NOL4: variants seen among roughly 807,000 people sequenced by gnomAD.
NOL4 encodes the protein cancer/testis antigen 125.
A neutral mutation model predicts 75.9 loss-of-function variants in NOL4; 17 were observed. The ratio of observed to expected loss-of-function variants is 0.22; its 90% CI spans 0.15 to 0.34. NOL4 has a LOEUF of 0.34. NOL4 is among the 10% of genes least tolerant of loss of function. The pLI, the probability that NOL4 is intolerant of heterozygous loss-of-function variation, is 1.00. For synonymous variants in NOL4, 292 were observed against 289.9 expected, an observed-to-expected ratio of 1.01 and a Z score of -0.07; for missense variants, 614 against 793.5, an observed-to-expected ratio of 0.77 and a Z score of 2.72.
intron 5 of NOL4, among the ~76,000 whole-genome samples, chr18:34,072,162 TTGCAG>T (rs1175928814): frequency 1.7e-4 from 26 of 151,994 alleles, no homozygotes; most frequent in African/African-American, 6.3e-4. Context: ...GAGGCAGAGG[TTGCAG>T]TGAGCTGAGA....
At chr18:33,885,154 CT>C (rs35426921) in intron 9 of NOL4, among the ~76,000 whole-genome samples, 24,703 of 152,022 alleles carry the variant, frequency 0.16, 2,132 homozygotes, top group African/African-American at 0.2. Context: ...CCAAGCATTA[CT>C]TTTTTTAAAA....
At chr18:33,940,311 C>T (rs1455956335) in intron 9 of NOL4, among the ~76,000 whole-genome samples, 9 of 151,982 alleles carry the variant, frequency 5.9e-5, no homozygotes, top group Admixed American at 5.9e-4. Flanking sequence ...AAATGCCCAT[C>T]AATTATAGAC....
chr18:33,863,331 T>C (rs1209773516), intron 10 of NOL4, among the ~76,000 whole-genome samples: 1 of 151,774 alleles, frequency 6.6e-6, no homozygotes, highest in Admixed American at 6.6e-5. Flanking sequence ...AGATGATGAG[T>C]TAATGGGTGC....
chr18:33,885,983 T>C (rs1250860559), intron 9 of NOL4, among the ~76,000 whole-genome samples: 1 of 152,128 alleles, frequency 6.6e-6, no homozygotes, highest in Admixed American at 6.6e-5. Context: ...GAGTGCTATT[T>C]GGCCATAAAA....
intron 6 of NOL4, among the ~76,000 whole-genome samples, chr18:34,014,777 ATTAG>A (rs2074583525): frequency 6.6e-6 from 1 of 152,032 alleles, no homozygotes; most frequent in Non-Finnish European, 1.5e-5. Context: ...TAGTCCTTAG[ATTAG>A]TTAATGTGAT....
At chr18:34,107,682 A>G (rs2145709967) in intron 2 of NOL4, among the ~76,000 whole-genome samples, 1 of 148,796 alleles carries the variant, frequency 6.7e-6, no homozygotes, top group South Asian at 2.1e-4. Context: ...CACGTAAAGA[A>G]AAAAAAAAAA....
intron 6 of NOL4, among the ~76,000 whole-genome samples, chr18:34,001,274 ATTTT>A (rs1293354760): frequency 2.6e-5 from 4 of 152,116 alleles, no homozygotes; most frequent in African/African-American, 9.7e-5. Flanking sequence ...CAAAGCACTA[ATTTT>A]TTAGCGCTGC....
chr18:34,121,533 C>T (rs1375714452), intron 2 of NOL4, among the ~76,000 whole-genome samples: 1 of 152,154 alleles, frequency 6.6e-6, no homozygotes, highest in Non-Finnish European at 1.5e-5. Context: ...CTTAGGGAGA[C>T]AGAGAAAGAC....
chr18:34,202,987 A>G (rs2035842338), intron 1 of NOL4, among the ~76,000 whole-genome samples: 1 of 152,050 alleles, frequency 6.6e-6, no homozygotes, highest in Non-Finnish European at 1.5e-5. Flanking sequence ...CTGTACACAA[A>G]TATTTATAAT....
chr18:33,987,554 C>T (rs2072558425), intron 6 of NOL4, among the ~76,000 whole-genome samples: 1 of 152,110 alleles, frequency 6.6e-6, no homozygotes, highest in African/African-American at 2.4e-5. Flanking sequence ...TCCTTTGCAG[C>T]ACACAATGTG....
At chr18:34,134,483 C>CATAT (rs71159857) in intron 1 of NOL4, among the ~76,000 whole-genome samples, 3 of 147,560 alleles carry the variant, frequency 2.0e-5, no homozygotes, top group Admixed American at 6.8e-5. Flanking sequence ...CACACACACA[C>CATAT]ACACACACAC....
At chr18:34,069,282 G>A (rs2077410416) in intron 5 of NOL4, among the ~76,000 whole-genome samples, 1 of 152,060 alleles carries the variant, frequency 6.6e-6, no homozygotes, top group African/African-American at 2.4e-5. Context: ...ACAAAAGATT[G>A]GACATGGGTA....
intron 5 of NOL4, among the ~76,000 whole-genome samples, chr18:34,086,940 T>C (rs551024651): frequency 6.6e-6 from 1 of 152,278 alleles, no homozygotes; most frequent in Admixed American, 6.5e-5. Flanking sequence ...CACATACATA[T>C]ACTAGGAATG....
chr18:33,945,665 A>T (rs757562503), intron 8 of NOL4, among the ~76,000 whole-genome samples: 9 of 151,762 alleles, frequency 5.9e-5, no homozygotes, highest in Non-Finnish European at 1.3e-4. Context: ...TAATATTTAA[A>T]AATTAACTTC....
chr18:34,144,566 T>C (rs1244727282), intron 1 of NOL4, among the ~76,000 whole-genome samples: 1 of 152,158 alleles, frequency 6.6e-6, no homozygotes, highest in Admixed American at 6.6e-5. Flanking sequence ...AGCAAGTCTG[T>C]GCTCAACAAA....
chr18:34,066,011 C>G (rs1201809174), intron 5 of NOL4, among the ~76,000 whole-genome samples: 1 of 151,434 alleles, frequency 6.6e-6, no homozygotes, highest in Non-Finnish European at 1.5e-5. Context: ...AAAATATAAC[C>G]CTTACGAATT....
chr18:34,222,002 C>A, intron 1 of NOL4: 1 of 1,531,892 alleles, frequency 6.5e-7, no homozygotes, highest in Non-Finnish European at 8.7e-7. Context: ...CCCATCCCTA[C>A]TCCAGGCGAG....
At chr18:33,957,581 C>T in intron 7 of NOL4, 64 bp from the exon 8 acceptor site, 3 of 1,283,832 alleles carry the variant, frequency 2.3e-6, no homozygotes, top group Non-Finnish European at 3.2e-6. Flanking sequence ...TTCCTAGCTT[C>T]CTGTCTTGAT....
chr18:34,212,327 A>C (rs1220560934), intron 1 of NOL4, among the ~76,000 whole-genome samples: 6 of 152,360 alleles, frequency 3.9e-5, no homozygotes, highest in South Asian at 2.1e-4. Flanking sequence ...AAAACCATAG[A>C]AATGGCAATA....
Sources: gnomAD v4.1 joint callset for allele counts (sites outside exome capture counted in the v4.1 genomes callset) on GRCh38, gnomAD v4.1.1 for gene constraint, MANE v1.5 for transcripts, NCBI Gene and HGNC (gene_info 2026-07-23, HGNC 2026-07-21) for gene names.